Variants in EEIG2 observed in about 807,000 individuals in gnomAD.
EEIG2 encodes family with sequence similarity 102 member B.
the EEIG2 span, chr1:108,624,615 CA>C: frequency 1.3e-6 from 2 of 1,599,640 alleles, no homozygotes; most frequent in Non-Finnish European, 1.7e-6. Flanking sequence ...GGCTCCCCCA[CA>C]ACTCCAGTTC....
the EEIG2 span, among the ~76,000 whole-genome samples, chr1:108,586,503 T>C: frequency 6.6e-6 from 1 of 152,118 alleles, no homozygotes; most frequent in Non-Finnish European, 1.5e-5. Flanking sequence ...CCCTTCAGTG[T>C]TGAAATTAAA....
the EEIG2 span, among the ~76,000 whole-genome samples, chr1:108,579,782 A>T: frequency 1.4e-5 from 2 of 146,772 alleles, no homozygotes; most frequent in African/African-American, 5.1e-5. Context: ...TGAGAGAGAG[A>T]GAGAGAGAGA....
the EEIG2 span, among the ~76,000 whole-genome samples, chr1:108,575,636 T>C: frequency 6.6e-6 from 1 of 152,118 alleles, no homozygotes; most frequent in East Asian, 1.9e-4. Flanking sequence ...AGCAATAAGA[T>C]GAAATGAAGT....
At chr1:108,574,682 G>T in the EEIG2 span, among the ~76,000 whole-genome samples, 1 of 152,206 alleles carries the variant, frequency 6.6e-6, no homozygotes, top group South Asian at 2.1e-4. Context: ...CCCAGGAGGC[G>T]GAGGTTGCAG....
At chr1:108,638,384 T>G in the EEIG2 span, 2 of 152,250 alleles carry the variant, frequency 1.3e-5, no homozygotes, top group African/African-American at 2.4e-5. Context: ...AGCAGTTAGT[T>G]TTAATTAACA....
At chr1:108,638,040 A>G in the EEIG2 span, 1 of 152,644 alleles carries the variant, frequency 6.6e-6, no homozygotes, top group Non-Finnish European at 1.5e-5. Flanking sequence ...CTATCAGAAT[A>G]ATATCCAAAT....
At chr1:108,628,054 CTT>C in the EEIG2 span, 1 of 845,088 alleles carries the variant, frequency 1.2e-6, no homozygotes, top group East Asian at 2.6e-5. Context: ...CATTTTGTAA[CTT>C]ATTGTTTTGA....
At chr1:108,599,721 G>A in the EEIG2 span, among the ~76,000 whole-genome samples, 2 of 152,164 alleles carry the variant, frequency 1.3e-5, no homozygotes, top group Non-Finnish European at 2.9e-5. Flanking sequence ...TTAAAGTGAC[G>A]AGGCTCACGC....
the EEIG2 span, among the ~76,000 whole-genome samples, chr1:108,584,456 C>T: frequency 1.3e-5 from 2 of 152,082 alleles, no homozygotes; most frequent in Non-Finnish European, 2.9e-5. Context: ...CTTATTTTAT[C>T]TTACTGAAAT....
the EEIG2 span, among the ~76,000 whole-genome samples, chr1:108,599,872 A>G: frequency 6.6e-6 from 1 of 152,156 alleles, no homozygotes; most frequent in Non-Finnish European, 1.5e-5. Flanking sequence ...GGTGCCTGTA[A>G]TCCCAGCTAC....
chr1:108,579,770 T>A, the EEIG2 span, among the ~76,000 whole-genome samples: 2,959 of 22,838 alleles, frequency 0.13, 32 homozygotes, highest in Non-Finnish European at 0.21. Context: ...TGTGTGTGTG[T>A]GTGAGAGAGA....
chr1:108,619,863 C>CTGGG, the EEIG2 span, among the ~76,000 whole-genome samples: 3 of 152,308 alleles, frequency 2.0e-5, no homozygotes, highest in African/African-American at 7.2e-5. Flanking sequence ...GCACTCCAGG[C>CTGGG]TGGGTGACAG....
At chr1:108,585,724 G>A in the EEIG2 span, among the ~76,000 whole-genome samples, 1 of 152,080 alleles carries the variant, frequency 6.6e-6, no homozygotes, top group Non-Finnish European at 1.5e-5. Flanking sequence ...CCGCATAAGT[G>A]CTGAATTATT....
the EEIG2 span, among the ~76,000 whole-genome samples, chr1:108,570,974 T>G: frequency 6.6e-6 from 1 of 152,078 alleles, no homozygotes; most frequent in Non-Finnish European, 1.5e-5. Context: ...ATTACTTCAG[T>G]AGAGCAGGCC....
chr1:108,589,095 T>C, the EEIG2 span, among the ~76,000 whole-genome samples: 1 of 152,146 alleles, frequency 6.6e-6, no homozygotes, highest in African/African-American at 2.4e-5. Context: ...TCTTTTCTTT[T>C]TATCTCCTCA....
At chr1:108,610,455 C>T in the EEIG2 span, among the ~76,000 whole-genome samples, 1 of 152,160 alleles carries the variant, frequency 6.6e-6, no homozygotes, top group Non-Finnish European at 1.5e-5. Flanking sequence ...GTAAGGTCAT[C>T]AGCAGAGAGT....
chr1:108,594,933 TAACTA>T, the EEIG2 span, among the ~76,000 whole-genome samples: 3 of 152,192 alleles, frequency 2.0e-5, no homozygotes, highest in African/African-American at 7.2e-5. Flanking sequence ...CTCCACTCTC[TAACTA>T]AACTAGATTA....
chr1:108,637,235 T>C, the EEIG2 span: 1 of 152,194 alleles, frequency 6.6e-6, no homozygotes, highest in South Asian at 2.1e-4. Context: ...ATTTATGTAG[T>C]AGTAAATATA....
chr1:108,572,478 A>AG, the EEIG2 span, among the ~76,000 whole-genome samples: 1 of 151,954 alleles, frequency 6.6e-6, no homozygotes, highest in Non-Finnish European at 1.5e-5. Context: ...TGTACATTCT[A>AG]GGGGGTCGGC....
Sources: allele counts gnomAD v4.1 joint callset (sites outside exome capture counted in the v4.1 genomes callset), GRCh38; gene constraint gnomAD v4.1.1; transcripts MANE v1.5; gene names NCBI Gene and HGNC (gene_info 2026-07-23, HGNC 2026-07-21).